TRPC7: variants seen among roughly 807,000 people sequenced by gnomAD.
TRPC7 encodes the protein transient receptor potential cation channel subfamily C member 7, also known as short transient receptor potential channel 7.
Under a neutral mutation model 90.1 loss-of-function variants are expected in TRPC7, and 42 were observed. That is an observed-to-expected ratio of 0.47 (90% CI 0.36 to 0.60). TRPC7 has a LOEUF of 0.60. TRPC7 is among the 20% of genes least tolerant of loss of function. The pLI, the probability that TRPC7 is intolerant of heterozygous loss-of-function variation, is 0.00. For missense variants in TRPC7, 955 were observed against 1,112.3 expected, an observed-to-expected ratio of 0.86 and a Z score of 2.01; for synonymous variants, 451 against 436.3, an observed-to-expected ratio of 1.03 and a Z score of -0.42.
chr5:136,313,427 C>G (rs1375860111), intron 3 of TRPC7, among the ~76,000 whole-genome samples: 1 of 152,022 alleles, frequency 6.6e-6, no homozygotes, highest in Non-Finnish European at 1.5e-5. Context: ...ATCTGTCTAT[C>G]AAGTTGTAAA....
chr5:136,274,165 TG>T (rs1481418364), intron 4 of TRPC7, among the ~76,000 whole-genome samples: 3 of 152,226 alleles, frequency 2.0e-5, no homozygotes, highest in Non-Finnish European at 4.4e-5. Context: ...TGCCCCAGCA[TG>T]AGCTGTGTTT....
intron 3 of TRPC7, among the ~76,000 whole-genome samples, chr5:136,301,989 G>A (rs542210946): frequency 2.0e-5 from 3 of 152,272 alleles, no homozygotes; most frequent in Admixed American, 6.5e-5. Context: ...CCAGTAAGCG[G>A]CCTCTTTTTA....
chr5:136,347,392 G>A (rs1760044351), intron 2 of TRPC7, among the ~76,000 whole-genome samples: 1 of 152,170 alleles, frequency 6.6e-6, no homozygotes, highest in Admixed American at 6.5e-5. Flanking sequence ...GGAAAAGGAA[G>A]GAGAAGGGGA....
intron 2 of TRPC7, 53 bp from the exon 3 acceptor site, chr5:136,315,832 G>T: frequency 1.3e-6 from 2 of 1,561,044 alleles, no homozygotes; most frequent in South Asian, 1.2e-5. Context: ...CCGCAGATTG[G>T]CTTGCCCAGC....
At chr5:136,323,137 A>G (rs1759247649) in intron 2 of TRPC7, among the ~76,000 whole-genome samples, 1 of 152,206 alleles carries the variant, frequency 6.6e-6, no homozygotes, top group Non-Finnish European at 1.5e-5. Flanking sequence ...AAGTCTTACA[A>G]GAGCTGATGA....
intron 1 of TRPC7, among the ~76,000 whole-genome samples, chr5:136,363,104 A>G (rs1760618622): frequency 6.6e-6 from 1 of 152,104 alleles, no homozygotes; most frequent in Non-Finnish European, 1.5e-5. Context: ...ATCAGTTTCT[A>G]ATTAGCTCCA....
chr5:136,365,317 A>G lies in TRPC7; in HGVS notation c.-63T>C, dbSNP rs1760688650. ...GACCGGAATCCGGTGTTGAGTCGCCAGAAGCTGGCTCCCCATGGGTGGTAG... is the reference window on the plus strand; with the variant it reads ...GACCGGAATCCGGTGTTGAGTCGCCGGAAGCTGGCTCCCCATGGGTGGTAG... On this transcript the variant is annotated 5_prime_UTR_variant, in exon 1 of 12. Transcript: ENST00000513104. 3.3e-6 allele frequency: 5 copies of G among 1,526,914 alleles called. No individual in the cohort carries two copies. Among genetic ancestry groups the G allele is most frequent in the Non-Finnish European group, 4.4e-6 (5 of 1,137,622 alleles). The allele number at this position is 1,526,914 out of a possible 1,614,324, so 94.6% of individuals were successfully genotyped here.
chr5:136,270,194 T>C (rs971487511), intron 4 of TRPC7, among the ~76,000 whole-genome samples: 1 of 152,196 alleles, frequency 6.6e-6, no homozygotes, highest in Admixed American at 6.5e-5. Flanking sequence ...ACGTGGGCGG[T>C]GCATTTGCAT....
At chr5:136,335,617 C>T (rs976494286) in intron 2 of TRPC7, among the ~76,000 whole-genome samples, 8 of 151,860 alleles carry the variant, frequency 5.3e-5, no homozygotes, top group Non-Finnish European at 1.2e-4. Context: ...TAAAAAGCTA[C>T]GAGAGGCCAG....
At chr5:136,235,555 C>T (rs762571111) in intron 7 of TRPC7, among the ~76,000 whole-genome samples, 12 of 152,156 alleles carry the variant, frequency 7.9e-5, no homozygotes, top group Non-Finnish European at 1.6e-4. Flanking sequence ...GGTTATGAGG[C>T]TCTCTGAGTT....
intron 7 of TRPC7, among the ~76,000 whole-genome samples, chr5:136,236,556 T>C (rs963289617): frequency 9.9e-5 from 15 of 152,130 alleles, no homozygotes; most frequent in African/African-American, 3.6e-4. Context: ...AAAGTGCCCA[T>C]GAGTGATGTT....
intron 3 of TRPC7, among the ~76,000 whole-genome samples, chr5:136,288,380 C>G (rs1757804538): frequency 6.6e-6 from 1 of 150,620 alleles, no homozygotes; most frequent in Admixed American, 6.6e-5. Flanking sequence ...TTAATTTTGA[C>G]AGAACAGGTT....
intron 7 of TRPC7, among the ~76,000 whole-genome samples, chr5:136,238,003 A>G (rs1470712845): frequency 1.3e-5 from 2 of 152,106 alleles, no homozygotes; most frequent in Admixed American, 6.5e-5. Flanking sequence ...CGCCTCCTGG[A>G]GCCCGAGGCT....
At chr5:136,304,267 A>T (rs1296393672) in intron 3 of TRPC7, among the ~76,000 whole-genome samples, 1 of 151,792 alleles carries the variant, frequency 6.6e-6, no homozygotes, top group African/African-American at 2.4e-5. Flanking sequence ...ATCTCATTAA[A>T]ACCTAATCAC....
At chr5:136,272,327 C>G (rs921839543) in intron 4 of TRPC7, among the ~76,000 whole-genome samples, 1 of 152,206 alleles carries the variant, frequency 6.6e-6, no homozygotes, top group African/African-American at 2.4e-5. Context: ...GCATCAGGAA[C>G]CCTTAGAGGG....
chr5:136,335,697 A>T (rs1299797955), intron 2 of TRPC7, among the ~76,000 whole-genome samples: 2 of 151,778 alleles, frequency 1.3e-5, no homozygotes, highest in African/African-American at 4.8e-5. Flanking sequence ...AGGTCAGGAG[A>T]TCGAGACCAT....
chr5:136,247,839 C>G lies in TRPC7; in HGVS notation c.1580-104G>C. 1 of 1,372,928 alleles carries G rather than the reference C, an allele frequency of 7.3e-7. No homozygotes were observed. Among genetic ancestry groups the G allele is most frequent in the Non-Finnish European group, 9.9e-7 (1 of 1,013,920 alleles). The allele number at this position is 1,372,928 out of a possible 1,614,324, so 85.0% of individuals were successfully genotyped here. Reference sequence around the variant, plus strand: ...GTCTCCAACTGCATCATTTGCCATTCTTGTCCTTGTCCTTAAATTAATCCC... The same window carrying G: ...GTCTCCAACTGCATCATTTGCCATTGTTGTCCTTGTCCTTAAATTAATCCC... On this transcript the variant is annotated intron_variant, in intron 6 of 11. Transcript: ENST00000513104. This position sits in a 1 kb window ranked among gnomAD's most constrained non-coding sequence, Gnocchi z 4.2.
At chr5:136,300,578 T>G (rs1758342889) in intron 3 of TRPC7, among the ~76,000 whole-genome samples, 1 of 152,200 alleles carries the variant, frequency 6.6e-6, no homozygotes, top group Non-Finnish European at 1.5e-5. Context: ...TAACAGTGTT[T>G]GGCAACTACC....
chr5:136,329,295 C>T (rs1022046222), intron 2 of TRPC7, among the ~76,000 whole-genome samples: 5 of 152,108 alleles, frequency 3.3e-5, no homozygotes, highest in African/African-American at 1.2e-4. Flanking sequence ...ATTCAGCAGA[C>T]ATATTTGGGC....
Sources: allele counts gnomAD v4.1 joint callset (sites outside exome capture counted in the v4.1 genomes callset), GRCh38; gene constraint gnomAD v4.1.1; non-coding constraint Gnocchi (gnomAD v3.1); transcripts MANE v1.5; gene names NCBI Gene and HGNC (gene_info 2026-07-23, HGNC 2026-07-21).